C2CD2: variants seen among roughly 807,000 people sequenced by gnomAD.
C2CD2 encodes the protein C2 calcium dependent domain containing 2, also known as C2 domain-containing protein 2.
C2CD2 carries 43 observed loss-of-function variants against 74.3 expected under a neutral mutation model. That is an observed-to-expected ratio of 0.58 (90% CI 0.45 to 0.75). C2CD2 has a LOEUF of 0.75. Ranked by LOEUF, C2CD2 falls within the 30% of genes least tolerant of loss-of-function variation. The pLI is 0.00. For synonymous variants in C2CD2, 422 were observed against 390.7 expected (o/e 1.08, Z -0.94); for missense variants, 801 against 916.3 (o/e 0.87, Z 1.63).
Position 41,942,023 on chromosome 21 carries a change from T to G in C2CD2, c.378+124A>C, listed in dbSNP as rs1040768388. ...TCTACCCATCAGCTGATGGGCCAGA[T>G]GGTTGTTTTGATTTTTTTCCTAGTG... is the stretch of plus-strand genomic sequence containing the variant. On this transcript the variant is annotated intron_variant, in intron 2 of 13. Coordinates refer to ENST00000380486, the MANE Select transcript of C2CD2 (RefSeq NM_015500.2). 3.9e-6 allele frequency: 5 copies of G among 1,278,826 alleles called. No individual in the cohort carries two copies. In the African/African-American group the frequency reaches 7.5e-5, roughly 19 times the overall value. The allele number at this position is 1,278,826 out of a possible 1,614,324, so 79.2% of individuals were successfully genotyped here. A position where few individuals can be genotyped will look rare whatever the true frequency, so the allele number is the denominator to read the frequency against.
chr21:41,893,071 C>CT (rs1173739455), intron 13 of C2CD2, among the ~76,000 whole-genome samples: 1 of 152,212 alleles, frequency 6.6e-6, no homozygotes, highest in African/African-American at 2.4e-5. Context: ...CTTTGGGAGG[C>CT]TGAGGTTTGG....
At chr21:41,942,927 C>T (rs2146227958) in intron 1 of C2CD2, 7 of 981,368 alleles carry the variant, frequency 7.1e-6, no homozygotes, top group Non-Finnish European at 8.5e-6. Context: ...TTCACCTGTG[C>T]CCGTGGCTCT....
At chr21:41,942,117 T>C in intron 2 of C2CD2, 30 bp downstream of exon 2, 1 of 1,548,120 alleles carries the variant, frequency 6.5e-7, no homozygotes. Flanking sequence ...AGTTCACCTC[T>C]TCCTGCAGGG....
chr21:41,906,421 A>G (rs1371338612), intron 10 of C2CD2, among the ~76,000 whole-genome samples: 2 of 152,190 alleles, frequency 1.3e-5, no homozygotes, highest in East Asian at 1.9e-4. Context: ...GCTGTAGTGC[A>G]ATGGTGTGAT....
At chr21:41,935,580 C>A (rs1001246499) in intron 2 of C2CD2, among the ~76,000 whole-genome samples, 1 of 152,064 alleles carries the variant, frequency 6.6e-6, no homozygotes, top group Admixed American at 6.6e-5. Flanking sequence ...AGTTCTGACA[C>A]TGAGGGCCGG....
intron 1 of C2CD2, among the ~76,000 whole-genome samples, chr21:41,947,196 T>C (rs2065408394): frequency 7.0e-6 from 1 of 141,936 alleles, no homozygotes; most frequent in Non-Finnish European, 1.5e-5. Context: ...TCACTCTTGT[T>C]GCCCAGGCTG....
At chr21:41,918,564 TGG>T (rs1305013212) in intron 4 of C2CD2, among the ~76,000 whole-genome samples, 3 of 151,598 alleles carry the variant, frequency 2.0e-5, no homozygotes, top group Non-Finnish European at 4.4e-5. Context: ...ACCTGCATCT[TGG>T]GTGGGGCAGG....
rs1163001858 is a variant in C2CD2 at position 41,897,576 on chromosome 21, C to T, written c.1870+1477G>A. Among the ~76,000 whole-genome samples, 3 of 152,304 alleles carry T rather than the reference C, an allele frequency of 2.0e-5. No homozygotes were observed. In the East Asian group the frequency reaches 5.8e-4, roughly 29 times the overall value. On this transcript the variant is annotated intron_variant, in intron 13 of 13. Transcript: ENST00000380486. ...AGGGGGGTCCATGCATCAAGCACCC[C>T]AAGGCCAGGCAGTGGGCAAACAGAG...
chr21:41,909,376 C>T (rs1468034048), intron 8 of C2CD2, 83 bp downstream of exon 8: 3 of 918,044 alleles, frequency 3.3e-6, no homozygotes, highest in Non-Finnish European at 3.6e-6. Context: ...GCTGGATCTC[C>T]CACCGCCCTT....
intron 12 of C2CD2, chr21:41,901,173 CG>C (rs1159122147): frequency 3.9e-6 from 1 of 257,812 alleles, no homozygotes; most frequent in Non-Finnish European, 7.6e-6. Context: ...GCGGTGTCCA[CG>C]GGGGACACTA....
rs369858184 is a variant in C2CD2, at chr21:41,939,648, G to A, written c.378+2499C>T. Reference sequence around the variant, plus strand: ...CAGGCTGTGCCAGTCTCAGCATCCCGCACCGCTGCCATGGGCTTCCTCCTG... The same window carrying A: ...CAGGCTGTGCCAGTCTCAGCATCCCACACCGCTGCCATGGGCTTCCTCCTG... On this transcript the variant is annotated intron_variant, in intron 2 of 13. Coordinates refer to ENST00000380486, the MANE Select transcript of C2CD2 (RefSeq NM_015500.2). This position sits in a 1 kb window ranked among gnomAD's most constrained non-coding sequence, Gnocchi z 5.5. 6.6e-6 allele frequency among the ~76,000 whole-genome samples: 1 copy of A among 152,190 alleles called. No homozygotes were observed. The highest frequency in any genetic ancestry group is 1.9e-4 in the East Asian group (1 of 5,198).
At chr21:41,934,559 C>G (rs951102243) in intron 2 of C2CD2, among the ~76,000 whole-genome samples, 9 of 152,342 alleles carry the variant, frequency 5.9e-5, no homozygotes, top group African/African-American at 1.4e-4. Context: ...TCAAAATGCA[C>G]GTACTCTTTC....
At position 41,905,747 on chromosome 21, in the gene C2CD2, T is replaced by C; in HGVS notation, c.1409A>G (p.Lys470Arg). The stretch of plus-strand genomic sequence containing the variant: ...ACCTGTGTCTGAAGAAGAGAGTGTT[T>C]TGCTGACGGGGGCGCTGCGGCAGGC... ...AIACRSAPVSKTLSSSDTELL... is the reference protein window; with the variant it reads ...AIACRSAPVSRTLSSSDTELL... Residue 470 changes from lysine (K) to arginine (R), a missense_variant, in exon 11 of 14, where the codon AAA becomes AGA. Transcript: ENST00000380486. The C allele has an allele frequency of 6.2e-7, 1 of 1,607,468 alleles. No homozygotes were observed. Among genetic ancestry groups the C allele is most frequent in the Non-Finnish European group, 8.5e-7 (1 of 1,174,488 alleles).
intron 2 of C2CD2, among the ~76,000 whole-genome samples, chr21:41,927,944 T>C (rs113663499): frequency 6.6e-6 from 1 of 152,186 alleles, no homozygotes; most frequent in East Asian, 1.9e-4. Flanking sequence ...TCTCCTCCCT[T>C]TTCTTGTTAC....
At chr21:41,915,772 G>A (rs568066491) in intron 5 of C2CD2, among the ~76,000 whole-genome samples, 7 of 151,438 alleles carry the variant, frequency 4.6e-5, no homozygotes, top group East Asian at 1.9e-4. Context: ...TATTTTGTTC[G>A]TTTGTTTGTT....
chr21:41,905,957 G>A (rs2064957827), intron 10 of C2CD2, 120 bp from the exon 11 acceptor site: 7 of 706,952 alleles, frequency 9.9e-6, no homozygotes, highest in Non-Finnish European at 1.5e-5. Context: ...TAAAGGCAAA[G>A]CTTAACGAAA....
chr21:41,917,680 A>T (rs2065107823), intron 5 of C2CD2, among the ~76,000 whole-genome samples: 1 of 152,176 alleles, frequency 6.6e-6, no homozygotes, highest in Non-Finnish European at 1.5e-5. Flanking sequence ...GTGTGCCTCC[A>T]AAGGACACAG....
At position 41,924,720 on chromosome 21, in the gene C2CD2, T is replaced by A. The variant is rs75618756; in HGVS notation, c.379-2635A>T. On this transcript the variant is annotated intron_variant, in intron 2 of 13. Transcript: ENST00000380486. This position sits in a 1 kb window ranked among gnomAD's most constrained non-coding sequence, Gnocchi z 4.4. ...AAAAAATAAAAAATAAAAATAAATT[T>A]AAAAACCCAACCCTGACTCTGAGCA... is the stretch of plus-strand genomic sequence containing the variant. Among the ~76,000 whole-genome samples the A allele has an allele frequency of 0.024, 3,723 of 152,106 alleles. 66 individuals carry two copies. Among genetic ancestry groups the A allele is most frequent in the African/African-American group, 0.042 (1,726 of 41,462 alleles).
intron 2 of C2CD2, among the ~76,000 whole-genome samples, chr21:41,926,000 G>A (rs1448130395): frequency 6.6e-6 from 1 of 152,200 alleles, no homozygotes; most frequent in Non-Finnish European, 1.5e-5. Context: ...TGGGCCCTGA[G>A]TGTTTCCCTC....
Sources: allele counts gnomAD v4.1 joint callset (sites outside exome capture counted in the v4.1 genomes callset), GRCh38; gene constraint gnomAD v4.1.1; non-coding constraint Gnocchi (gnomAD v3.1); transcripts MANE v1.5; gene names NCBI Gene and HGNC (gene_info 2026-07-23, HGNC 2026-07-21).